DKK2: variants seen among roughly 807,000 people sequenced by gnomAD.
DKK2 encodes the protein dickkopf Wnt signaling pathway inhibitor 2, also known as dickkopf-related protein 2.
Under a neutral mutation model 28.1 loss-of-function variants are expected in DKK2, and 11 were observed. The observed-to-expected ratio is 0.39, with a 90% confidence interval of 0.25 to 0.65. DKK2 has a LOEUF of 0.65. Ranked by LOEUF, DKK2 falls within the 30% of genes least tolerant of loss-of-function variation. The pLI is 0.47. For synonymous variants in DKK2, 135 were observed against 126.5 expected, an observed-to-expected ratio of 1.07 and a Z score of -0.45; for missense variants, 326 against 335.5, an observed-to-expected ratio of 0.97 and a Z score of 0.22.
intron 1 of DKK2, among the ~76,000 whole-genome samples, chr4:106,947,103 C>T (rs528440443): frequency 1.6e-3 from 237 of 152,126 alleles, no homozygotes; most frequent in Non-Finnish European, 2.9e-3. Flanking sequence ...ACTTTCAATC[C>T]GTCTTTTCAG....
At chr4:106,954,145 C>T (rs1017112699) in intron 1 of DKK2, among the ~76,000 whole-genome samples, 38 of 152,168 alleles carry the variant, frequency 2.5e-4, no homozygotes, top group Admixed American at 2.2e-3. Context: ...TAGAAAATAA[C>T]CTGCAGGATG....
intron 1 of DKK2, among the ~76,000 whole-genome samples, chr4:107,018,485 C>A (rs1246297614): frequency 6.6e-6 from 1 of 152,090 alleles, no homozygotes. Flanking sequence ...ATTAAAGGCT[C>A]ATATCTGAGA....
intron 1 of DKK2, among the ~76,000 whole-genome samples, chr4:106,952,727 T>C (rs748213186): frequency 6.6e-6 from 1 of 152,112 alleles, no homozygotes; most frequent in African/African-American, 2.4e-5. Flanking sequence ...ATTTACTGTA[T>C]AGAAATAAAA....
chr4:106,953,257 A>C (rs1039890668), intron 1 of DKK2, among the ~76,000 whole-genome samples: 3 of 152,160 alleles, frequency 2.0e-5, no homozygotes, highest in Admixed American at 1.3e-4. Flanking sequence ...ACCAGCATTG[A>C]GTGCTGGCCC....
At chr4:107,004,890 T>A (rs1170507917) in intron 1 of DKK2, among the ~76,000 whole-genome samples, 2 of 152,100 alleles carry the variant, frequency 1.3e-5, no homozygotes, top group African/African-American at 4.8e-5. Context: ...CTGCTATCAT[T>A]GACTTTAAAC....
intron 1 of DKK2, among the ~76,000 whole-genome samples, chr4:106,975,872 C>T (rs1394103802): frequency 2.6e-5 from 4 of 152,150 alleles, no homozygotes; most frequent in African/African-American, 7.2e-5. Context: ...TTCCTGTGGG[C>T]ATTTAGTGCT....
At chr4:106,933,148 A>C (rs1188477360) in intron 1 of DKK2, among the ~76,000 whole-genome samples, 1 of 152,144 alleles carries the variant, frequency 6.6e-6, no homozygotes, top group Non-Finnish European at 1.5e-5. Flanking sequence ...CTTTTAACAA[A>C]TACTGTCCTG....
chr4:107,005,340 CAAAAAAA>C (rs35333301), intron 1 of DKK2, among the ~76,000 whole-genome samples: 2 of 72,466 alleles, frequency 2.8e-5, no homozygotes, highest in Non-Finnish European at 5.4e-5. Context: ...GACTTGGTCT[CAAAAAAA>C]AAAAAAAAAA....
chr4:107,001,648 C>T (rs1723361020), intron 1 of DKK2, among the ~76,000 whole-genome samples: 1 of 152,138 alleles, frequency 6.6e-6, no homozygotes, highest in Admixed American at 6.6e-5. Context: ...CTATTCTCTT[C>T]TCTCAGGTTA....
intron 1 of DKK2, among the ~76,000 whole-genome samples, chr4:106,959,127 C>A (rs1174120666): frequency 6.6e-6 from 1 of 151,876 alleles, no homozygotes; most frequent in East Asian, 1.9e-4. Flanking sequence ...AAAATACATG[C>A]TCAATTACTG....
intron 1 of DKK2, among the ~76,000 whole-genome samples, chr4:107,022,262 A>C (rs544080124): frequency 1.3e-5 from 2 of 152,278 alleles, no homozygotes; most frequent in African/African-American, 4.8e-5. Flanking sequence ...TTATTGCTAC[A>C]TATACCTTGT....
Position 107,034,442 on chromosome 4 carries a change from C to A in DKK2, c.222+928G>T, listed in dbSNP as rs565446747. 7.7e-3 allele frequency among the ~76,000 whole-genome samples: 1,174 copies of A among 152,252 alleles called. 11 individuals carry two copies. Among genetic ancestry groups the A allele is most frequent in the African/African-American group, 0.027 (1,107 of 41,548 alleles). On this transcript the variant is annotated intron_variant, in intron 1 of 3. Coordinates refer to ENST00000285311, the MANE Select transcript of DKK2 (RefSeq NM_014421.3). ...ACAGAGCCCCCTCTCCTGGCCACAGCGCGCCAGCCACAACTGGTACCGAGT... is the reference window on the plus strand; with the variant it reads ...ACAGAGCCCCCTCTCCTGGCCACAGAGCGCCAGCCACAACTGGTACCGAGT...
intron 1 of DKK2, among the ~76,000 whole-genome samples, chr4:106,990,487 A>C (rs966921426): frequency 1.3e-5 from 2 of 152,230 alleles, no homozygotes; most frequent in Non-Finnish European, 2.9e-5. Context: ...AGAGGGAAAC[A>C]AAGGGATTAA....
intron 1 of DKK2, among the ~76,000 whole-genome samples, chr4:107,026,651 T>A (rs2212968): frequency 6.6e-6 from 1 of 152,086 alleles, no homozygotes; most frequent in Non-Finnish European, 1.5e-5. Context: ...GAGCACAGAA[T>A]GAATTTTCAG....
At chr4:106,944,742 T>C (rs2110344860) in intron 1 of DKK2, among the ~76,000 whole-genome samples, 1 of 152,206 alleles carries the variant, frequency 6.6e-6, no homozygotes, top group Non-Finnish European at 1.5e-5. Flanking sequence ...CTTATAAATC[T>C]AGCTGTACAC....
In DKK2 at chr4:107,035,658, A is replaced by AC; in HGVS notation, c.-68dup. The stretch of plus-strand genomic sequence containing the variant: ...GGGTGGGAATGCAAAGGGAGGGAGG[A>AC]CCCCAACACGGGGCCCCTCACTTGG... On this transcript the variant is annotated 5_prime_UTR_variant, in exon 1 of 4. Coordinates refer to ENST00000285311, the MANE Select transcript of DKK2 (RefSeq NM_014421.3). 6.4e-7 allele frequency: 1 copy of AC among 1,567,126 alleles called. No individual in the cohort carries two copies. The highest frequency in any genetic ancestry group is 8.7e-7 in the Non-Finnish European group (1 of 1,149,936).
Position 106,922,584 on chromosome 4 carries a change from A to G in DKK2, c.*1370T>C, listed in dbSNP as rs935492776. ...TTTGGGAAGAAAATTGGATGATGCC[A>G]TTGGCTAGTCAGAAGCTTATAGAGG... On this transcript the variant is annotated 3_prime_UTR_variant, in exon 4 of 4. Transcript: ENST00000285311. The G allele has an allele frequency of 9.9e-5, 15 of 152,210 alleles. No individual in the cohort carries two copies. The highest frequency in any genetic ancestry group is 9.2e-4 in the Admixed American group (14 of 15,260). The allele number at this position is 152,210 out of a possible 1,614,324, so 9.4% of individuals were successfully genotyped here. A position where few individuals can be genotyped will look rare whatever the true frequency, so the allele number is the denominator to read the frequency against.
At chr4:107,006,520 T>C (rs1034106202) in intron 1 of DKK2, among the ~76,000 whole-genome samples, 17 of 152,196 alleles carry the variant, frequency 1.1e-4, no homozygotes, top group African/African-American at 4.1e-4. Flanking sequence ...GGGTTGAATT[T>C]CTAGGATCTG....
At chr4:107,012,855 G>T (rs528327368) in intron 1 of DKK2, among the ~76,000 whole-genome samples, 1 of 150,954 alleles carries the variant, frequency 6.6e-6, no homozygotes, top group African/African-American at 2.4e-5. Context: ...TTACCTGAAT[G>T]GAAGGTCCCC....
Sources: gnomAD v4.1 joint callset for allele counts (sites outside exome capture counted in the v4.1 genomes callset) on GRCh38, gnomAD v4.1.1 for gene constraint, MANE v1.5 for transcripts, NCBI Gene and HGNC (gene_info 2026-07-23, HGNC 2026-07-21) for gene names.